Variants in AFF2 observed in about 807,000 individuals in gnomAD.
AFF2 encodes AF4/FMR2 family member 2.
In AFF2, 14 loss-of-function variants were observed where a neutral mutation model predicts 76.9. That is an observed-to-expected ratio of 0.18 (90% CI 0.12 to 0.28). The LOEUF is 0.28. Among genes scored for constraint, AFF2 ranks in the 10% least tolerant of loss-of-function variants. AFF2 has a pLI of 1.00. For synonymous variants in AFF2, 398 were observed against 366.7 expected, an observed-to-expected ratio of 1.09 and a Z score of -0.98; for missense variants, 868 against 1,001.1, an observed-to-expected ratio of 0.87 and a Z score of 1.79.
intron 1 of AFF2, among the ~76,000 whole-genome samples, chrX:148,621,479 T>G (rs782683509): frequency 9.0e-6 from 1 of 111,304 alleles, no homozygotes; most frequent in African/African-American, 3.3e-5. Flanking sequence ...TGATACATTT[T>G]AATCAAGTTT....
At chrX:148,529,697 C>A (rs1557235629) in intron 1 of AFF2, among the ~76,000 whole-genome samples, 1 of 112,028 alleles carries the variant, frequency 8.9e-6, no homozygotes, top group Non-Finnish European at 1.9e-5. Context: ...ACTCCCACCA[C>A]ATGGCAACCT....
intron 3 of AFF2, among the ~76,000 whole-genome samples, chrX:148,785,964 G>T (rs913380987): frequency 1.8e-5 from 2 of 111,548 alleles, no homozygotes; most frequent in Admixed American, 1.9e-4. Flanking sequence ...TCGTACCCAG[G>T]TCTCTGTCCC....
intron 1 of AFF2, among the ~76,000 whole-genome samples, chrX:148,595,431 T>A (rs1360960175): frequency 1.8e-5 from 2 of 111,844 alleles, no homozygotes; most frequent in African/African-American, 6.5e-5. Flanking sequence ...AGAATCCCGA[T>A]GTAGAGGGCA....
At chrX:148,821,563 C>T (rs1684898309) in intron 4 of AFF2, among the ~76,000 whole-genome samples, 1 of 110,945 alleles carries the variant, frequency 9.0e-6, no homozygotes, top group African/African-American at 3.3e-5. Flanking sequence ...CCTCCTCTGC[C>T]TCTGTGTGCT....
intron 1 of AFF2, among the ~76,000 whole-genome samples, chrX:148,546,309 C>T (rs150716624): frequency 4.2e-4 from 47 of 111,546 alleles, no homozygotes; most frequent in African/African-American, 1.3e-3. Context: ...TTGACACCTG[C>T]GCAGGTAGAG....
At chrX:148,522,117 A>G (rs1557234598) in intron 1 of AFF2, among the ~76,000 whole-genome samples, 2 of 112,564 alleles carry the variant, frequency 1.8e-5, no homozygotes, top group African/African-American at 6.5e-5. Context: ...GTGTGCCCTG[A>G]AAAAGTTCTG....
Position 148,661,944 on chromosome X carries a change from A to T in AFF2, c.217A>T (p.Asn73Tyr). Residue 73 changes from asparagine to tyrosine, a missense_variant, in exon 3 of 21, where the codon AAC becomes TAC. Transcript: ENST00000370460. ...TGATGCACTTGCCAACCGAGTCCAGAACACGCTTGGAAACTATGATGAAAT... is the reference window on the plus strand; with the variant it reads ...TGATGCACTTGCCAACCGAGTCCAGTACACGCTTGGAAACTATGATGAAAT... ...KGDALANRVQ[N>Y]TLGNYDEMKN... The T allele has an allele frequency of 8.3e-7, 1 of 1,207,250 alleles. No homozygotes were observed. Among genetic ancestry groups the T allele is most frequent in the Non-Finnish European group, 1.1e-6 (1 of 892,127 alleles).
intron 1 of AFF2, among the ~76,000 whole-genome samples, chrX:148,553,929 T>TGGTTAGAGGAAGCTTCCTCA (rs1363067089): frequency 5.4e-5 from 6 of 111,317 alleles, no homozygotes; most frequent in African/African-American, 9.8e-5. Context: ...AGGTAGCCTA[T>TGGTTAGAGGAAGCTTCCTCA]GGTTAGAGGA....
chrX:148,639,390 G>C (rs2054065179), intron 1 of AFF2, among the ~76,000 whole-genome samples: 4 of 111,950 alleles, frequency 3.6e-5, no homozygotes, highest in Admixed American at 2.9e-4. Context: ...TATACCCCCA[G>C]CTCCGCCTGT....
At chrX:148,590,890 G>A (rs1257049086) in intron 1 of AFF2, among the ~76,000 whole-genome samples, 2 of 112,014 alleles carry the variant, frequency 1.8e-5, no homozygotes, top group African/African-American at 6.5e-5. Flanking sequence ...TACTCTTGTG[G>A]TTTTTCCATT....
intron 7 of AFF2, among the ~76,000 whole-genome samples, chrX:148,863,492 C>A (rs868941248): frequency 2.7e-5 from 3 of 111,879 alleles, no homozygotes; most frequent in Non-Finnish European, 5.6e-5. Flanking sequence ...TTTGCAAAAT[C>A]TGGCTGATTG....
chrX:148,751,160 A>G (rs1240028856), intron 3 of AFF2, among the ~76,000 whole-genome samples: 1 of 112,373 alleles, frequency 8.9e-6, no homozygotes, highest in African/African-American at 3.2e-5. Flanking sequence ...TGCTAACAAC[A>G]TTTTTGAATA....
At chrX:148,544,106 G>A (rs2052892305) in intron 1 of AFF2, among the ~76,000 whole-genome samples, 1 of 111,983 alleles carries the variant, frequency 8.9e-6, no homozygotes, top group African/African-American at 3.3e-5. Context: ...TCACTAAGCG[G>A]GGACCTTGCC....
chrX:148,756,969 A>T (rs1044659909), intron 3 of AFF2, among the ~76,000 whole-genome samples: 1 of 112,471 alleles, frequency 8.9e-6, no homozygotes, highest in South Asian at 3.7e-4. Flanking sequence ...TGGAGTCCAA[A>T]AAAAGGGTCA....
intron 1 of AFF2, among the ~76,000 whole-genome samples, chrX:148,515,724 A>G (rs1271276595): frequency 1.8e-5 from 2 of 111,897 alleles, no homozygotes; most frequent in Non-Finnish European, 3.8e-5. Context: ...GTTCTCGTGC[A>G]ATGTATGATG....
intron 9 of AFF2, among the ~76,000 whole-genome samples, chrX:148,929,341 G>T (rs2071686995): frequency 8.9e-6 from 1 of 112,250 alleles, no homozygotes; most frequent in Non-Finnish European, 1.9e-5. Flanking sequence ...TTCCATTAAT[G>T]AAGACATATG....
At chrX:148,606,587 T>C (rs1342436027) in intron 1 of AFF2, among the ~76,000 whole-genome samples, 6 of 111,657 alleles carry the variant, frequency 5.4e-5, no homozygotes, top group Non-Finnish European at 9.4e-5. Context: ...ATATTTTCTA[T>C]GGTGTTTCCA....
chrX:148,987,807 T>G (rs1434832257), intron 20 of AFF2, among the ~76,000 whole-genome samples: 2 of 111,960 alleles, frequency 1.8e-5, no homozygotes, highest in Non-Finnish European at 3.8e-5. Context: ...GTTTTGAATT[T>G]CACTCACTGA....
chrX:148,506,767 C>T (rs782468668), intron 1 of AFF2, among the ~76,000 whole-genome samples: 1 of 111,569 alleles, frequency 9.0e-6, no homozygotes, highest in Non-Finnish European at 1.9e-5. Context: ...GCTTTCTAAT[C>T]TTACCATATG....
Sources: gnomAD v4.1 joint callset for allele counts (sites outside exome capture counted in the v4.1 genomes callset) on GRCh38, gnomAD v4.1.1 for gene constraint, MANE v1.5 for transcripts, NCBI Gene and HGNC (gene_info 2026-07-23, HGNC 2026-07-21) for gene names.